Variants in LARS2 observed in about 807,000 individuals in gnomAD.
The protein encoded by LARS2 is leucine--tRNA ligase, mitochondrial.
LARS2 carries 81 observed loss-of-function variants against 116.6 expected under a neutral mutation model. The ratio of observed to expected loss-of-function variants is 0.69; its 90% CI spans 0.58 to 0.84. LARS2 has a LOEUF of 0.84. LARS2 is among the 40% of genes least tolerant of loss of function. The pLI is 0.00. For synonymous variants in LARS2, 396 were observed against 407.2 expected (o/e 0.97, Z 0.33); for missense variants, 968 against 1,114.5 (o/e 0.87, Z 1.87).
chr3:45,529,237 A>G, intron 20 of LARS2, among the ~76,000 whole-genome samples: 1 of 152,122 alleles, frequency 6.6e-6, no homozygotes, highest in Non-Finnish European at 1.5e-5. Context: ...ATCATTGAAC[A>G]TTCAAACTGT....
intron 7 of LARS2, among the ~76,000 whole-genome samples, chr3:45,453,317 A>C (rs1429850387): frequency 6.6e-6 from 1 of 152,024 alleles, no homozygotes; most frequent in Non-Finnish European, 1.5e-5. Context: ...CCTGTATGGT[A>C]CTTGTTGATT....
At chr3:45,394,739 G>C in intron 3 of LARS2, 52 bp downstream of exon 3, 2 of 1,289,732 alleles carry the variant, frequency 1.6e-6, no homozygotes, top group Non-Finnish European at 2.2e-6. Context: ...TTGAAGGTTT[G>C]GACCCTGGGG....
At position 45,476,562 on chromosome 3, in the gene LARS2, A is replaced by G. The variant is rs756182074; in HGVS notation, c.953A>G (p.His318Arg). 6.2e-7 allele frequency: 1 copy of G among 1,614,186 alleles called. No individual in the cohort carries two copies. Among genetic ancestry groups the G allele is most frequent in the Non-Finnish European group, 8.5e-7 (1 of 1,180,022 alleles). Reference protein sequence around the residue: ...GTSHVAISPSHRLLHGHSSLK... With the variant: ...GTSHVAISPSRRLLHGHSSLK... ...TCCCACGTGGCCATCTCGCCCAGCC[A>G]CAGACTCCTACATGGGCACAGCTCT... The change falls in exon 10 of 22, where the codon CAC (histidine) becomes CGC (arginine). Residue 318 changes from histidine to arginine, a missense_variant. Coordinates refer to ENST00000645846, the MANE Select transcript of LARS2 (RefSeq NM_015340.4).
At chr3:45,416,469 C>T (rs1002721697) in intron 4 of LARS2, among the ~76,000 whole-genome samples, 7 of 152,018 alleles carry the variant, frequency 4.6e-5, no homozygotes, top group Non-Finnish European at 1.0e-4. Context: ...GGGACAGGTC[C>T]GGGCCACTGA....
chr3:45,479,401 T>A (rs1699662273), intron 10 of LARS2, among the ~76,000 whole-genome samples: 1 of 152,002 alleles, frequency 6.6e-6, no homozygotes, highest in Non-Finnish European at 1.5e-5. Flanking sequence ...TGGAAAGAGA[T>A]GGCGAGGCCC....
intron 7 of LARS2, among the ~76,000 whole-genome samples, chr3:45,458,495 A>G (rs1402341278): frequency 2.0e-5 from 3 of 152,156 alleles, no homozygotes; most frequent in Non-Finnish European, 1.5e-5. Context: ...ATTTGAGACC[A>G]GCCTGGCCAA....
chr3:45,488,505 G>A (rs1222903692), intron 11 of LARS2, among the ~76,000 whole-genome samples, 192 bp from the exon 12 acceptor site: 3 of 152,212 alleles, frequency 2.0e-5, no homozygotes, highest in Admixed American at 2.0e-4. Flanking sequence ...TGGTAAACTA[G>A]TTGTGTTTTG....
chr3:45,509,848 C>T (rs927314411), intron 15 of LARS2, among the ~76,000 whole-genome samples: 1 of 151,884 alleles, frequency 6.6e-6, no homozygotes, highest in African/African-American at 2.4e-5. Context: ...CATTCCCCTG[C>T]TCTCATTCTC....
Position 45,513,136 on chromosome 3 carries a change from G to A in LARS2, c.1762G>A (p.Glu588Lys), listed in dbSNP as rs1242748647. 3.1e-6 allele frequency: 5 copies of A among 1,606,626 alleles called. No homozygotes were observed. The highest frequency in any genetic ancestry group is 2.2e-5 in the East Asian group (1 of 44,858). The change falls in exon 16 of 22, where the codon GAG (glutamate) becomes AAG (lysine). Residue 588 changes from glutamate to lysine, a missense_variant and splice_region_variant. Glu to Lys is a moderately conservative substitution (Grantham distance 56, BLOSUM62 1). Transcript: ENST00000645846. ...CHDQKMVKHR[E>K]PFHKLLAQGL... ...TCTTTTCCTGTCATCTTTCCTCAGG[G>A]AGCCTTTTCATAAGCTGCTGGCCCA...
At chr3:45,415,285 T>G (rs1698395039) in intron 4 of LARS2, among the ~76,000 whole-genome samples, 1 of 152,180 alleles carries the variant, frequency 6.6e-6, no homozygotes, top group African/African-American at 2.4e-5. Flanking sequence ...CTTTGGAGAA[T>G]GAAAATATCT....
chr3:45,525,818 A>G (rs886169195), intron 20 of LARS2, among the ~76,000 whole-genome samples: 1 of 152,238 alleles, frequency 6.6e-6, no homozygotes, highest in African/African-American at 2.4e-5. Flanking sequence ...TCTGAATTCT[A>G]TATTAATTCC....
intron 4 of LARS2, among the ~76,000 whole-genome samples, chr3:45,401,265 GCC>G (rs1279011794): frequency 6.6e-6 from 1 of 152,108 alleles, no homozygotes; most frequent in Non-Finnish European, 1.5e-5. Context: ...GCTTTGGGAG[GCC>G]CAGGCAGGAG....
intron 8 of LARS2, among the ~76,000 whole-genome samples, chr3:45,471,777 T>C (rs969715806): frequency 2.0e-5 from 3 of 152,238 alleles, no homozygotes; most frequent in African/African-American, 7.2e-5. Flanking sequence ...AAGTTTATAA[T>C]ATACTTGCGT....
intron 4 of LARS2, among the ~76,000 whole-genome samples, chr3:45,411,940 G>T (rs921518265): frequency 4.6e-5 from 7 of 152,272 alleles, no homozygotes; most frequent in African/African-American, 1.7e-4. Flanking sequence ...AGAACATGTG[G>T]TATTTGTTTT....
chr3:45,439,572 A>G (rs1032193761), intron 6 of LARS2, among the ~76,000 whole-genome samples: 1 of 151,008 alleles, frequency 6.6e-6, no homozygotes, highest in Non-Finnish European at 1.5e-5. Context: ...TGCCTAATGA[A>G]GTTTATATAT....
intron 7 of LARS2, among the ~76,000 whole-genome samples, chr3:45,448,221 A>C (rs1010969784): frequency 3.9e-5 from 6 of 152,226 alleles, no homozygotes; most frequent in Non-Finnish European, 7.3e-5. Flanking sequence ...TTCCATAACA[A>C]ATATTGGCTT....
chr3:45,492,197 G>C (rs1699931302), intron 13 of LARS2, among the ~76,000 whole-genome samples: 1 of 152,216 alleles, frequency 6.6e-6, no homozygotes, highest in African/African-American at 2.4e-5. Context: ...TTCCAATATA[G>C]TGACTGTAAC....
chr3:45,534,281 G>T (rs1274447077), intron 20 of LARS2, among the ~76,000 whole-genome samples: 1 of 152,060 alleles, frequency 6.6e-6, no homozygotes. Context: ...ATGGGTATTA[G>T]GTGCCCCCAG....
At chr3:45,398,849 TTGAACAGTAGGTCCCCCCA>T (rs1264333253) in intron 3 of LARS2, among the ~76,000 whole-genome samples, 9 of 152,160 alleles carry the variant, frequency 5.9e-5, no homozygotes, top group African/African-American at 1.2e-4. Context: ...GTTCTTGCCC[TTGAACAGTAGGTCCCCCCA>T]TGAACAGTAG....
Sources: allele counts gnomAD v4.1 joint callset (sites outside exome capture counted in the v4.1 genomes callset), GRCh38; gene constraint gnomAD v4.1.1; transcripts MANE v1.5; gene names NCBI Gene and HGNC (gene_info 2026-07-23, HGNC 2026-07-21).